TMTC2: variants seen among roughly 807,000 people sequenced by gnomAD.
TMTC2 encodes protein O-mannosyl-transferase TMTC2.
In TMTC2, 43 loss-of-function variants were observed where a neutral mutation model predicts 82.4. That is an observed-to-expected ratio of 0.52 (90% CI 0.41 to 0.67). The LOEUF (loss-of-function observed/expected upper bound fraction) is 0.67. Ranked by LOEUF, TMTC2 falls within the 30% of genes least tolerant of loss-of-function variation. The pLI is 0.00. For synonymous variants in TMTC2, 408 were observed against 381.9 expected, an observed-to-expected ratio of 1.07 and a Z score of -0.80; for missense variants, 919 against 1,012.4, an observed-to-expected ratio of 0.91 and a Z score of 1.25.
intron 3 of TMTC2, among the ~76,000 whole-genome samples, chr12:82,905,400 AT>A (rs1185534166): frequency 2.0e-5 from 3 of 152,258 alleles, no homozygotes; most frequent in African/African-American, 7.2e-5. Flanking sequence ...ATTTAAAAAA[AT>A]ATGACTATGG....
chr12:82,834,097 A>G (rs1034115805), intron 1 of TMTC2, among the ~76,000 whole-genome samples: 4 of 152,346 alleles, frequency 2.6e-5, no homozygotes, highest in East Asian at 1.9e-4. Context: ...TATAATTAGC[A>G]TGTCAGATTG....
chr12:82,935,087 G>A lies in TMTC2; in HGVS notation c.1598+4542G>A, dbSNP rs147379098. Among the ~76,000 whole-genome samples, 35 of 152,192 alleles carry A rather than the reference G, an allele frequency of 2.3e-4. 1 individual carries two copies. The highest frequency in any genetic ancestry group is 7.7e-4 in the African/African-American group (32 of 41,542). On this transcript the variant is annotated intron_variant, in intron 4 of 11. Coordinates refer to ENST00000321196, the MANE Select transcript of TMTC2 (RefSeq NM_152588.3). ...TAGAGAATATAAGGTTTTAGTAACT[G>A]TTAGTGAGTTTACTGAACTCATGGT...
At chr12:83,053,750 T>C (rs746410025) in intron 10 of TMTC2, among the ~76,000 whole-genome samples, 14 of 152,056 alleles carry the variant, frequency 9.2e-5, no homozygotes, top group Admixed American at 3.3e-4. Flanking sequence ...TTTTGAAATA[T>C]ATTATTCAAT....
intron 10 of TMTC2, among the ~76,000 whole-genome samples, chr12:83,053,697 A>G (rs960005593): frequency 6.6e-6 from 1 of 152,094 alleles, no homozygotes; most frequent in African/African-American, 2.4e-5. Context: ...CAGCCACCAG[A>G]AATGGACAAA....
At chr12:82,790,411 T>C (rs972194914) in intron 1 of TMTC2, among the ~76,000 whole-genome samples, 3 of 152,108 alleles carry the variant, frequency 2.0e-5, no homozygotes, top group African/African-American at 7.2e-5. Context: ...TTGGCTTTGG[T>C]TTGGAAATGT....
chr12:82,828,078 A>G (rs1279865364), intron 1 of TMTC2, among the ~76,000 whole-genome samples: 1 of 151,542 alleles, frequency 6.6e-6, no homozygotes, highest in Non-Finnish European at 1.5e-5. Flanking sequence ...TTTTTAGTAG[A>G]GACTGGGTTT....
chr12:83,097,148 A>G (rs1383413639), intron 11 of TMTC2, among the ~76,000 whole-genome samples: 2 of 152,228 alleles, frequency 1.3e-5, no homozygotes, highest in Admixed American at 1.3e-4. Context: ...ACACACAACT[A>G]ACAAGTGGCA....
At chr12:83,107,204 A>T (rs1300386098) in intron 11 of TMTC2, among the ~76,000 whole-genome samples, 1 of 152,372 alleles carries the variant, frequency 6.6e-6, no homozygotes, top group African/African-American at 2.4e-5. Flanking sequence ...ATATTTGTAA[A>T]TGTAAATCTT....
chr12:82,761,615 C>G (rs1876636361), intron 1 of TMTC2, among the ~76,000 whole-genome samples: 1 of 152,206 alleles, frequency 6.6e-6, no homozygotes, highest in Admixed American at 6.5e-5. Context: ...GTCTTGATCA[C>G]TCTTACACTT....
Position 83,125,116 on chromosome 12 carries a change from A to G in TMTC2, c.2332-7094A>G, listed in dbSNP as rs571794241. ...TAGGAGCTGCTGTCCTCCCGTATTCATTCATCCAGGATTTACCATGGTTAA... is the reference window on the plus strand; with the variant it reads ...TAGGAGCTGCTGTCCTCCCGTATTCGTTCATCCAGGATTTACCATGGTTAA... On this transcript the variant is annotated intron_variant, in intron 11 of 11. Coordinates refer to ENST00000321196, the MANE Select transcript of TMTC2 (RefSeq NM_152588.3). Among the ~76,000 whole-genome samples the G allele has an allele frequency of 2.0e-3, 302 of 152,314 alleles. 4 individuals carry two copies. Among genetic ancestry groups the G allele is most frequent in the African/African-American group, 6.7e-3 (280 of 41,572 alleles).
chr12:83,037,199 A>G (rs1420733132), intron 9 of TMTC2, among the ~76,000 whole-genome samples: 1 of 152,204 alleles, frequency 6.6e-6, no homozygotes, highest in African/African-American at 2.4e-5. Context: ...ACAGTGTTAA[A>G]ATAATAGGTT....
intron 1 of TMTC2, chr12:82,690,456 T>C (rs1872527615): frequency 2.1e-6 from 2 of 943,746 alleles, no homozygotes; most frequent in South Asian, 9.8e-5. Context: ...TTCTTTTAAA[T>C]ATAGTGATCG....
At chr12:83,065,279 T>C (rs1351907456) in intron 11 of TMTC2, among the ~76,000 whole-genome samples, 2 of 151,994 alleles carry the variant, frequency 1.3e-5, no homozygotes, top group Non-Finnish European at 2.9e-5. Context: ...AAGCCATATT[T>C]TCCACATAAT....
chr12:82,758,449 A>G (rs1876452318), intron 1 of TMTC2: 1 of 152,120 alleles, frequency 6.6e-6, no homozygotes, highest in Non-Finnish European at 1.5e-5. Context: ...GGAGTTTCTT[A>G]TGTATTGCTG....
intron 1 of TMTC2, among the ~76,000 whole-genome samples, chr12:82,819,541 G>T (rs1000853148): frequency 2.0e-4 from 24 of 117,546 alleles, no homozygotes; most frequent in African/African-American, 4.4e-4. Context: ...CGCTCTCGTT[G>T]CCCAGGCTGG....
At chr12:82,723,089 A>G (rs1198589088) in intron 1 of TMTC2, among the ~76,000 whole-genome samples, 1 of 152,236 alleles carries the variant, frequency 6.6e-6, no homozygotes, top group African/African-American at 2.4e-5. Flanking sequence ...CATTAGTTAC[A>G]TTTATGCCAC....
intron 1 of TMTC2, among the ~76,000 whole-genome samples, chr12:82,766,824 C>T (rs867467079): frequency 1.3e-5 from 2 of 151,946 alleles, no homozygotes; most frequent in African/African-American, 4.8e-5. Context: ...CGGAGTCTCG[C>T]TCTGTCACCC....
chr12:82,954,971 T>A (rs916361989), intron 4 of TMTC2, among the ~76,000 whole-genome samples: 1 of 152,226 alleles, frequency 6.6e-6, no homozygotes, highest in Admixed American at 6.5e-5. Context: ...CCTTTTAATT[T>A]GCTTTTCTGT....
chr12:83,134,275 G>C lies in TMTC2; in HGVS notation c.*1886G>C, dbSNP rs1451613995. On this transcript the variant is annotated 3_prime_UTR_variant, in exon 12 of 12. Transcript: ENST00000321196. ...GTTGAAGTGTATTATTCATCTTTTA[G>C]TGCATTGGCAATTGCAAAAAAAAAA... is the stretch of plus-strand genomic sequence containing the variant. The C allele has an allele frequency of 1.4e-5, 2 of 146,586 alleles. No homozygotes were observed. The highest frequency in any genetic ancestry group is 1.5e-5 in the Non-Finnish European group (1 of 66,896). The allele number at this position is 146,586 out of a possible 1,614,324, so 9.1% of individuals were successfully genotyped here.
Sources: gnomAD v4.1 joint callset for allele counts (sites outside exome capture counted in the v4.1 genomes callset) on GRCh38, gnomAD v4.1.1 for gene constraint, MANE v1.5 for transcripts, NCBI Gene and HGNC (gene_info 2026-07-23, HGNC 2026-07-21) for gene names.